Variants in RIMS4 observed in about 807,000 individuals in gnomAD.
RIMS4 encodes the protein regulating synaptic membrane exocytosis 4.
In RIMS4, 9 loss-of-function variants were observed where a neutral mutation model predicts 29.0. The observed-to-expected ratio is 0.31, with a 90% CI of 0.19 to 0.54. The LOEUF (loss-of-function observed/expected upper bound fraction) is 0.54. Among genes scored for constraint, RIMS4 ranks in the 20% least tolerant of loss-of-function variants. RIMS4 has a pLI of 0.94. For missense variants in RIMS4, 193 were observed against 365.7 expected (o/e 0.53, Z 3.85); for synonymous variants, 130 against 152.9 (o/e 0.85, Z 1.10).
intron 1 of RIMS4, among the ~76,000 whole-genome samples, chr20:44,807,538 C>T (rs958803835): frequency 1.3e-5 from 2 of 152,022 alleles, no homozygotes; most frequent in Admixed American, 6.5e-5. Context: ...ACTTCTGAGA[C>T]GGAGCCAGCA....
At chr20:44,762,637 C>T (rs760138689) in intron 2 of RIMS4, among the ~76,000 whole-genome samples, 19 of 152,280 alleles carry the variant, frequency 1.2e-4, no homozygotes, top group Middle Eastern at 6.8e-3. Flanking sequence ...AATATCTGGG[C>T]GGCTGCCTGA....
chr20:44,786,401 C>T (rs1320853067), intron 1 of RIMS4, among the ~76,000 whole-genome samples: 2 of 152,210 alleles, frequency 1.3e-5, no homozygotes, highest in Non-Finnish European at 2.9e-5. Flanking sequence ...GGGCCAGTCA[C>T]CCCTCCTTGG....
intron 2 of RIMS4, among the ~76,000 whole-genome samples, chr20:44,766,683 C>A (rs1188271166): frequency 1.3e-5 from 2 of 152,178 alleles, no homozygotes; most frequent in Non-Finnish European, 2.9e-5. Flanking sequence ...AGAGGGGGAA[C>A]TGTCTGCAAG....
chr20:44,764,255 C>CATCCATCCATCCATTTATCCATCCATCCA (rs1325046131), intron 2 of RIMS4, among the ~76,000 whole-genome samples: 2 of 144,320 alleles, frequency 1.4e-5, no homozygotes, highest in African/African-American at 2.6e-5. Flanking sequence ...TCCATCCATC[C>CATCCATCCATCCATTTATCCATCCATCCA]TCCCACAAAC....
At position 44,796,878 on chromosome 20, in the gene RIMS4, T is replaced by A. The variant is rs551904213; in HGVS notation, c.97+13297A>T. Among the ~76,000 whole-genome samples the A allele has an allele frequency of 5.9e-5, 9 of 152,384 alleles. No individual in the cohort carries two copies. In the East Asian group the frequency reaches 1.7e-3, roughly 29 times the overall value. On this transcript the variant is annotated intron_variant, in intron 1 of 5. Transcript: ENST00000372851. ...ATACAACACTTGTTTCCTGTGTTCATCCTGTGCCTTTCTAGTACATTCTCC... is the reference window on the plus strand; with the variant it reads ...ATACAACACTTGTTTCCTGTGTTCAACCTGTGCCTTTCTAGTACATTCTCC...
chr20:44,792,512 G>C (rs1254522266), intron 1 of RIMS4, among the ~76,000 whole-genome samples: 1 of 151,944 alleles, frequency 6.6e-6, no homozygotes, highest in Non-Finnish European at 1.5e-5. Flanking sequence ...GGCTGGTCTT[G>C]AACTCTTGAC....
intron 1 of RIMS4, among the ~76,000 whole-genome samples, chr20:44,801,409 A>C (rs1601046196): frequency 1.3e-5 from 2 of 152,146 alleles, no homozygotes; most frequent in Non-Finnish European, 2.9e-5. Flanking sequence ...CATCTGAATA[A>C]ACTGACTCAG....
chr20:44,809,061 C>T (rs73907577), intron 1 of RIMS4, among the ~76,000 whole-genome samples: 2 of 152,228 alleles, frequency 1.3e-5, no homozygotes, highest in South Asian at 4.1e-4. Context: ...CGGATTTTCA[C>T]CTTATAAAAC....
intron 1 of RIMS4, among the ~76,000 whole-genome samples, chr20:44,775,545 A>G (rs2066156355): frequency 6.6e-6 from 1 of 152,240 alleles, no homozygotes; most frequent in South Asian, 2.1e-4. Context: ...GCCCTGGGTC[A>G]GAACAACTCT....
rs2066066507 is a variant in RIMS4, at chr20:44,757,657, G to A, written c.451+13C>T. 2 of 1,604,406 alleles carry A rather than the reference G, an allele frequency of 1.2e-6. No individual in the cohort carries two copies. The highest frequency in any genetic ancestry group is 1.7e-6 in the Non-Finnish European group (2 of 1,171,276). On this transcript the variant is annotated intron_variant, in intron 4 of 5. Coordinates refer to ENST00000372851, the MANE Select transcript of RIMS4 (RefSeq NM_182970.4). Reference sequence around the variant, plus strand: ...CTCCACCCCCACCTTGCAGGGGAAGGTAGGCCCCAGACCTGGCAGTGTCTT... The same window carrying A: ...CTCCACCCCCACCTTGCAGGGGAAGATAGGCCCCAGACCTGGCAGTGTCTT...
chr20:44,773,012 C>T (rs1601027145), intron 1 of RIMS4, among the ~76,000 whole-genome samples: 1 of 124,444 alleles, frequency 8.0e-6, no homozygotes, highest in Admixed American at 7.7e-5. Context: ...CGTGTAGCCT[C>T]GTATTTCTGT....
At chr20:44,792,577 C>T (rs2066237844) in intron 1 of RIMS4, among the ~76,000 whole-genome samples, 1 of 152,160 alleles carries the variant, frequency 6.6e-6, no homozygotes, top group East Asian at 1.9e-4. Flanking sequence ...CAGGCATGAG[C>T]CACCGTGCCC....
At chr20:44,789,594 T>C (rs1400512384) in intron 1 of RIMS4, among the ~76,000 whole-genome samples, 1 of 152,212 alleles carries the variant, frequency 6.6e-6, no homozygotes, top group African/African-American at 2.4e-5. Context: ...GGCCTTGCTG[T>C]TGTCCAGGTT....
intron 2 of RIMS4, among the ~76,000 whole-genome samples, chr20:44,760,475 G>A (rs1190844483): frequency 3.3e-5 from 5 of 152,116 alleles, no homozygotes; most frequent in Non-Finnish European, 7.4e-5. Context: ...TGGTGGTCTG[G>A]GCAAAGAGAA....
intron 1 of RIMS4, among the ~76,000 whole-genome samples, chr20:44,792,011 C>A (rs2066234836): frequency 6.6e-6 from 1 of 152,118 alleles, no homozygotes; most frequent in Non-Finnish European, 1.5e-5. Context: ...GCACCTTCCC[C>A]ACATCCAGCC....
intron 1 of RIMS4, among the ~76,000 whole-genome samples, chr20:44,809,543 C>T (rs760969650): frequency 2.0e-5 from 3 of 152,036 alleles, no homozygotes; most frequent in Non-Finnish European, 4.4e-5. Flanking sequence ...TGGCGCCGCC[C>T]TACACCTCTC....
At chr20:44,801,430 C>A (rs946018715) in intron 1 of RIMS4, among the ~76,000 whole-genome samples, 1 of 152,146 alleles carries the variant, frequency 6.6e-6, no homozygotes, top group Non-Finnish European at 1.5e-5. Context: ...TAAACTCCCC[C>A]GGGAGCATTT....
intron 4 of RIMS4, 120 bp from the exon 5 acceptor site, chr20:44,757,157 G>A: frequency 1.8e-6 from 2 of 1,140,450 alleles, no homozygotes; most frequent in Non-Finnish European, 2.5e-6. Flanking sequence ...ATGGGGTCTG[G>A]GGAGGACGCA....
rs1323940802 is a variant in RIMS4 at position 44,753,198 on chromosome 20, T to C, written c.*2936A>G. 3 of 152,698 alleles carry C rather than the reference T, an allele frequency of 2.0e-5. No homozygotes were observed. The highest frequency in any genetic ancestry group is 2.0e-4 in the Admixed American group (3 of 15,292). The allele number at this position is 152,698 out of a possible 1,614,324, so 9.5% of individuals were successfully genotyped here. On this transcript the variant is annotated 3_prime_UTR_variant, in exon 6 of 6. Transcript: ENST00000372851. ...GATGGGCTACAGCTTGTCCTGCCCATCTTTTGGGGGGCCATTAGGCTTCAA... is the reference window on the plus strand; with the variant it reads ...GATGGGCTACAGCTTGTCCTGCCCACCTTTTGGGGGGCCATTAGGCTTCAA...
Sources: gnomAD v4.1 joint callset for allele counts (sites outside exome capture counted in the v4.1 genomes callset) on GRCh38, gnomAD v4.1.1 for gene constraint, MANE v1.5 for transcripts, NCBI Gene and HGNC (gene_info 2026-07-23, HGNC 2026-07-21) for gene names.